The following PRPF19 variants were observed in gnomAD, a reference collection of about 807,000 sequenced individuals.
PRPF19 encodes the protein pre-mRNA processing factor 19.
Under a neutral mutation model 64.2 loss-of-function variants are expected in PRPF19, and 2 were observed. The ratio of observed to expected loss-of-function variants is 0.03; its 90% CI spans 0.01 to 0.10. The LOEUF is 0.10. Ranked by LOEUF, PRPF19 falls within the 10% of genes least tolerant of loss-of-function variation. The pLI is 1.00. For synonymous variants in PRPF19, 226 were observed against 251.6 expected, an observed-to-expected ratio of 0.90 and a Z score of 0.96; for missense variants, 314 against 650.0, an observed-to-expected ratio of 0.48 and a Z score of 5.62.
At chr11:60,905,576 G>C (rs1299120054) in intron 1 of PRPF19, 2 of 152,192 alleles carry the variant, frequency 1.3e-5, no homozygotes, top group African/African-American at 4.8e-5. Flanking sequence ...ATAGTGGAAG[G>C]TATGAAAAAA....
In PRPF19 at chr11:60,903,773, C is replaced by T. The variant is rs1856011551; in HGVS notation, c.108G>A (p.Glu36=). 1 of 1,605,448 alleles carries T rather than the reference C, an allele frequency of 6.2e-7. No homozygotes were observed. The highest frequency in any genetic ancestry group is 1.8e-5 in the Admixed American group (1 of 55,910). The part of the protein sequence containing the change: ...ERRLIEKYIA[E]NGTDPINNQP... Reference sequence around the variant, plus strand: ...GGTTGTTGATGGGGTCGGTACCATTCTCCGCAATGTACTTCTCGATGAGCC... The same window carrying T: ...GGTTGTTGATGGGGTCGGTACCATTTTCCGCAATGTACTTCTCGATGAGCC... Residue 36 remains glutamate, a synonymous_variant, in exon 2 of 16, where the codon GAG becomes GAA. Coordinates refer to ENST00000227524, the MANE Select transcript of PRPF19 (RefSeq NM_014502.5).
rs369873611 is a variant in PRPF19, at chr11:60,897,848, G to A, written c.1415C>T (p.Thr472Ile). 3 of 1,613,900 alleles carry A rather than the reference G, an allele frequency of 1.9e-6. No homozygotes were observed. Among genetic ancestry groups the A allele is most frequent in the African/African-American group, 1.3e-5 (1 of 75,060 alleles). ...CKQWTEILHF[T>I]EHSGLTTGVA... The stretch of plus-strand genomic sequence containing the variant: ...AGGAGCCCAGGACCAGCCTCTACCT[G>A]TAAAGTGAAGAATCTCCGTCCATTG... Residue 472 changes from threonine to isoleucine, a missense_variant and splice_region_variant, in exon 15 of 16, where the codon ACA becomes ATA. Around this residue, in one of 7 missense-constraint regions of PRPF19, gnomAD observed 47 missense variants for 94.5 expected, o/e 0.50. Coordinates refer to ENST00000227524, the MANE Select transcript of PRPF19 (RefSeq NM_014502.5).
chr11:60,903,793 T>C lies in PRPF19; in HGVS notation c.88A>G (p.Ile30Val), dbSNP rs747367973. 8 of 1,606,394 alleles carry C rather than the reference T, an allele frequency of 5.0e-6. No individual in the cohort carries two copies. The South Asian group carries it at 8.8e-5, about 18-fold the overall frequency. ...CCATTCTCCGCAATGTACTTCTCGA[T>C]GAGCCGCCGCTCATAAACATGATTA... ...VSNHVYERRL[I>V]EKYIAENGTD... Residue 30 changes from isoleucine to valine, a missense_variant, in exon 2 of 16, where the codon ATC becomes GTC. Physicochemically the swap from Ile to Val is conservative, Grantham distance 29. Coordinates refer to ENST00000227524, the MANE Select transcript of PRPF19 (RefSeq NM_014502.5).
intron 15 of PRPF19, among the ~76,000 whole-genome samples, chr11:60,893,208 A>G (rs1022628844): frequency 7.9e-5 from 12 of 152,158 alleles, no homozygotes; most frequent in African/African-American, 2.9e-4. Flanking sequence ...AAAGTATAAT[A>G]TAGCTAGGCG....
chr11:60,894,622 T>C (rs1855900138), intron 15 of PRPF19, among the ~76,000 whole-genome samples: 1 of 152,242 alleles, frequency 6.6e-6, no homozygotes, highest in Non-Finnish European at 1.5e-5. Flanking sequence ...CTCCTCTTTA[T>C]GTTCATAGTT....
chr11:60,901,603 C>G, intron 6 of PRPF19, 63 bp from the exon 7 acceptor site: 1 of 1,581,416 alleles, frequency 6.3e-7, no homozygotes, highest in Non-Finnish European at 8.7e-7. Context: ...ACATTAGATG[C>G]TGGTCACACC....
Position 60,902,899 on chromosome 11 carries a change from CA to C in PRPF19, c.247-19del. 1 of 1,611,430 alleles carries C rather than the reference CA, an allele frequency of 6.2e-7. No homozygotes were observed. Among genetic ancestry groups the C allele is most frequent in the Non-Finnish European group, 8.5e-7 (1 of 1,179,684 alleles). On this transcript the variant is annotated intron_variant, in intron 3 of 15. Transcript: ENST00000227524. This position sits in a 1 kb window ranked among gnomAD's most constrained non-coding sequence, Gnocchi z 5.0. The stretch of plus-strand genomic sequence containing the variant: ...ACTGCATCCTGGGAGAAGCAAATAT[CA>C]TTGTAAGGTGAGGTGGGGGGTGCAG...
intron 1 of PRPF19, among the ~76,000 whole-genome samples, chr11:60,905,829 T>C (rs1856039034): frequency 6.6e-6 from 1 of 152,270 alleles, no homozygotes; most frequent in South Asian, 2.1e-4. Context: ...AGTCATACAG[T>C]GTAAGGCTGG....
chr11:60,891,705 T>C (rs1432042873), intron 15 of PRPF19, among the ~76,000 whole-genome samples: 2 of 152,164 alleles, frequency 1.3e-5, no homozygotes, highest in African/African-American at 2.4e-5. Flanking sequence ...CTGGGCAACA[T>C]TCCTCATGGG....
chr11:60,904,829 T>A (rs1856025371), intron 1 of PRPF19, among the ~76,000 whole-genome samples: 2 of 152,198 alleles, frequency 1.3e-5, no homozygotes. Context: ...ATTCAATAAA[T>A]CACTGGTCAC....
At chr11:60,895,138 A>T (rs916720661) in intron 15 of PRPF19, among the ~76,000 whole-genome samples, 3 of 152,256 alleles carry the variant, frequency 2.0e-5, no homozygotes, top group African/African-American at 7.2e-5. Flanking sequence ...TGATCTTTGC[A>T]TCTTGGAAAC....
In PRPF19 at chr11:60,903,442, C is replaced by T. The variant is rs778276626; in HGVS notation, c.246+17G>A. 5.0e-6 allele frequency: 8 copies of T among 1,605,902 alleles called. No individual in the cohort carries two copies. The highest frequency in any genetic ancestry group is 6.8e-6 in the Non-Finnish European group (8 of 1,174,384). The stretch of plus-strand genomic sequence containing the variant: ...TCTTCAAGTGGGGAAGATGCTGATT[C>T]TCTTGCAGGAACTCACCCACTCATC... On this transcript the variant is annotated intron_variant, in intron 3 of 15. Coordinates refer to ENST00000227524, the MANE Select transcript of PRPF19 (RefSeq NM_014502.5).
intron 15 of PRPF19, 102 bp downstream of exon 15, chr11:60,897,744 T>A (rs1855937217): frequency 1.0e-6 from 1 of 960,242 alleles, no homozygotes; most frequent in East Asian, 2.4e-5. Context: ...AGAAAGCTGC[T>A]TAGGTAAATT....
At chr11:60,901,014 G>T in intron 8 of PRPF19, 85 bp from the exon 9 acceptor site, 1 of 1,446,370 alleles carries the variant, frequency 6.9e-7, no homozygotes, top group South Asian at 1.2e-5. Flanking sequence ...GCCATCTCCA[G>T]TCACCCATGT....
At chr11:60,903,313 G>T in intron 3 of PRPF19, 146 bp downstream of exon 3, 1 of 883,718 alleles carries the variant, frequency 1.1e-6, no homozygotes. Flanking sequence ...TCTCAGTGCT[G>T]GGGATACAAC....
At position 60,906,465 on chromosome 11, in the gene PRPF19, C is replaced by G; in HGVS notation, c.-83G>C. Reference sequence around the variant, plus strand: ...CCTCCGCGAGCCACTTCCGGTCCCCCGCTGCTGCCGGGACTGCTCCGCGGC... The same window carrying G: ...CCTCCGCGAGCCACTTCCGGTCCCCGGCTGCTGCCGGGACTGCTCCGCGGC... On this transcript the variant is annotated 5_prime_UTR_variant, in exon 1 of 16. Coordinates refer to ENST00000227524, the MANE Select transcript of PRPF19 (RefSeq NM_014502.5). 1 of 1,436,002 alleles carries G rather than the reference C, an allele frequency of 7.0e-7. No individual in the cohort carries two copies. The highest frequency in any genetic ancestry group is 9.5e-7 in the Non-Finnish European group (1 of 1,055,186). 89.0% of individuals were successfully genotyped at this position (1,436,002 alleles called of 1,614,324 possible). A position where few individuals can be genotyped will look rare whatever the true frequency, so the allele number is the denominator to read the frequency against.
chr11:60,898,908 C>G lies in PRPF19; in HGVS notation c.1008G>C (p.Gln336His). The G allele has an allele frequency of 6.2e-7, 1 of 1,603,606 alleles. No homozygotes were observed. The highest frequency in any genetic ancestry group is 8.5e-7 in the Non-Finnish European group (1 of 1,174,844). ...DDQYWAFSDI[Q>H]TGRVLTKVTD... ...TCACCTTGGTGAGCACACGCCCTGT[C>G]TGGATGTCAGAGAAAGCCCAGTACT... is the stretch of plus-strand genomic sequence containing the variant. The change falls in exon 12 of 16, where the codon CAG (glutamine) becomes CAC (histidine). Residue 336 changes from glutamine (Q) to histidine (H), a missense_variant. Gln to His is a conservative substitution (Grantham distance 24). Coordinates refer to ENST00000227524, the MANE Select transcript of PRPF19 (RefSeq NM_014502.5). This position sits in a 1 kb window ranked among gnomAD's most constrained non-coding sequence, Gnocchi z 4.6.
Position 60,902,937 on chromosome 11 carries a change from T to C in PRPF19, c.247-56A>G, listed in dbSNP as rs951821269. ...GGTGGGGGGTGCAGGGAGTACCCAGTGGAGTCAGCCCTTGGGGAGGGGATG... is the reference window on the plus strand; with the variant it reads ...GGTGGGGGGTGCAGGGAGTACCCAGCGGAGTCAGCCCTTGGGGAGGGGATG... On this transcript the variant is annotated intron_variant, in intron 3 of 15. Coordinates refer to ENST00000227524, the MANE Select transcript of PRPF19 (RefSeq NM_014502.5). This position sits in a 1 kb window ranked among gnomAD's most constrained non-coding sequence, Gnocchi z 5.0. 1 of 1,588,822 alleles carries C rather than the reference T, an allele frequency of 6.3e-7. No individual in the cohort carries two copies. The highest frequency in any genetic ancestry group is 8.5e-7 in the Non-Finnish European group (1 of 1,170,838).
chr11:60,893,898 G>A (rs777012299), intron 15 of PRPF19, among the ~76,000 whole-genome samples: 1 of 152,132 alleles, frequency 6.6e-6, no homozygotes, highest in African/African-American at 2.4e-5. Flanking sequence ...CAGCCTAGGC[G>A]ACAGAGCAAG....
Sources: gnomAD v4.1 joint callset for allele counts (sites outside exome capture counted in the v4.1 genomes callset) on GRCh38, gnomAD v4.1.1 for gene constraint, gnomAD v4.1.1 regional missense constraint, Gnocchi (gnomAD v3.1) non-coding constraint, MANE v1.5 for transcripts, NCBI Gene and HGNC (gene_info 2026-07-23, HGNC 2026-07-21) for gene names.